The following AANAT variants were observed in gnomAD, a reference collection of about 807,000 sequenced individuals.
AANAT encodes the protein serotonin N-acetyltransferase.
In AANAT, 11 loss-of-function variants were observed where a neutral mutation model predicts 15.6. The ratio of observed to expected loss-of-function variants is 0.71; its 90% CI spans 0.44 to 1.17. AANAT has a LOEUF of 1.17. Ranked by LOEUF, AANAT falls within the 50% of genes most tolerant of loss-of-function variation. The pLI, the probability that AANAT is intolerant of heterozygous loss-of-function variation, is 0.00. For missense variants in AANAT, 286 were observed against 296.3 expected, an observed-to-expected ratio of 0.97 and a Z score of 0.26; for synonymous variants, 139 against 131.5, an observed-to-expected ratio of 1.06 and a Z score of -0.39.
In AANAT at chr17:76,469,126, G is replaced by A. The variant is rs1160870195; in HGVS notation, c.164-47G>A. 7 of 1,609,232 alleles carry A rather than the reference G, an allele frequency of 4.3e-6. No homozygotes were observed. The highest frequency in any genetic ancestry group is 1.7e-4 in the Middle Eastern group (1 of 6,040). On this transcript the variant is annotated intron_variant, in intron 2 of 3. Coordinates refer to ENST00000392492, the MANE Select transcript of AANAT (RefSeq NM_001088.3). This position sits in a 1 kb window ranked among gnomAD's most constrained non-coding sequence, Gnocchi z 5.2. ...ACTCGGGGTGCAGCAGACAGTGGAC[G>A]CGAGGCACAGCGACTACCAGTCACC...
chr17:76,460,129 A>AT (rs1567863927), intron 2 of AANAT, among the ~76,000 whole-genome samples: 3 of 82,886 alleles, frequency 3.6e-5, no homozygotes, highest in Admixed American at 1.2e-4. Context: ...TACTTCAGGA[A>AT]ATTTTTTTTT....
rs771212777 is a variant in AANAT, at chr17:76,469,810, G to C, written c.464G>C (p.Arg155Pro). The C allele has an allele frequency of 6.2e-7, 1 of 1,603,522 alleles. No homozygotes were observed. The highest frequency in any genetic ancestry group is 1.1e-5 in the South Asian group (1 of 89,432). The change falls in exon 4 of 4, where the codon CGG becomes CCG. Residue 155 changes from arginine to proline, a missense_variant. Coordinates refer to ENST00000392492, the MANE Select transcript of AANAT (RefSeq NM_001088.3). This position sits in a 1 kb window ranked among gnomAD's most constrained non-coding sequence, Gnocchi z 5.2. ...CTGGGCAGCCAGCCGGCCGTGCGCCGGGCCGCGCTCATGTGCGAGGACGCG... is the reference window on the plus strand; with the variant it reads ...CTGGGCAGCCAGCCGGCCGTGCGCCCGGCCGCGCTCATGTGCGAGGACGCG... Reference protein sequence around the residue: ...HHLGSQPAVRRAALMCEDALV... With the variant: ...HHLGSQPAVRPAALMCEDALV...
Position 76,469,633 on chromosome 17 carries a change from G to T in AANAT, c.319-32G>T. On this transcript the variant is annotated intron_variant, in intron 3 of 3. Transcript: ENST00000392492. The surrounding 1 kb of genome is among the most constrained non-coding windows in gnomAD (Gnocchi z 5.2). ...GGGGGGAGCACGTGTCAGCAGAAGTGACCTGGGATCTCATCCCTTGCTCGC... is the reference window on the plus strand; with the variant it reads ...GGGGGGAGCACGTGTCAGCAGAAGTTACCTGGGATCTCATCCCTTGCTCGC... The T allele has an allele frequency of 1.4e-6, 2 of 1,439,182 alleles. No individual in the cohort carries two copies. Among genetic ancestry groups the T allele is most frequent in the Non-Finnish European group, 1.8e-6 (2 of 1,097,932 alleles). The allele number at this position is 1,439,182 out of a possible 1,614,324, so 89.2% of individuals were successfully genotyped here.
chr17:76,456,849 C>A (rs1343547194), intron 1 of AANAT, among the ~76,000 whole-genome samples: 1 of 152,116 alleles, frequency 6.6e-6, no homozygotes, highest in African/African-American at 2.4e-5. Flanking sequence ...CCTCATTTTA[C>A]CAATGAAGAA....
At chr17:76,459,461 CTGGCCACCTGAGGG>C in intron 2 of AANAT, 1 of 152,394 alleles carries the variant, frequency 6.6e-6, no homozygotes, top group Middle Eastern at 3.4e-3. Context: ...GGGTACTGAG[CTGGCCACCTGAGGG>C]TCAGCCCTCA....
intron 1 of AANAT, among the ~76,000 whole-genome samples, chr17:76,456,255 C>G (rs779734347): frequency 2.6e-5 from 4 of 151,088 alleles, no homozygotes; most frequent in African/African-American, 9.7e-5. Flanking sequence ...CACTTGAACC[C>G]GGGAGGTGGA....
upstream of AANAT, among the ~76,000 whole-genome samples, chr17:76,464,594 G>A (rs1451816268): frequency 6.6e-6 from 1 of 152,130 alleles, no homozygotes; most frequent in African/African-American, 2.4e-5. Flanking sequence ...TGGGTGAGTT[G>A]TGGATACAGG....
Position 76,469,843 on chromosome 17 carries a change from C to T in AANAT, c.497C>T (p.Pro166Leu), listed in dbSNP as rs756857880. The T allele has an allele frequency of 1.9e-6, 3 of 1,604,544 alleles. No individual in the cohort carries two copies. Among genetic ancestry groups the T allele is most frequent in the East Asian group, 2.2e-5 (1 of 44,482 alleles). Residue 166 changes from proline (P) to leucine (L), a missense_variant, in exon 4 of 4, where the codon CCC becomes CTC. Coordinates refer to ENST00000392492, the MANE Select transcript of AANAT (RefSeq NM_001088.3). The surrounding 1 kb of genome is among the most constrained non-coding windows in gnomAD (Gnocchi z 5.2). ...AALMCEDALV[P>L]FYERFSFHAV... ...CTCATGTGCGAGGACGCGCTGGTAC[C>T]CTTCTATGAGAGGTTCAGCTTCCAC...
chr17:76,458,640 G>A (rs1187426785), intron 1 of AANAT, among the ~76,000 whole-genome samples: 1 of 152,116 alleles, frequency 6.6e-6, no homozygotes, highest in Non-Finnish European at 1.5e-5. Context: ...CAGCAGCAGA[G>A]TGAACTGGTC....
At chr17:76,465,918 C>T (rs995801228), upstream of AANAT, 8 of 473,620 alleles carry the variant, frequency 1.7e-5, no homozygotes, top group Non-Finnish European at 3.1e-5. Flanking sequence ...AGTGCAGTGG[C>T]GAGTCACTAC....
chr17:76,462,170 GCT>G (rs1208991825), intron 2 of AANAT: 3 of 152,230 alleles, frequency 2.0e-5, no homozygotes, highest in African/African-American at 7.2e-5. Context: ...GAGGAAGGAG[GCT>G]CTGTCCTGAA....
chr17:76,463,933 G>C (rs2073413481), upstream of AANAT, among the ~76,000 whole-genome samples: 2 of 152,172 alleles, frequency 1.3e-5, no homozygotes, highest in Non-Finnish European at 2.9e-5. Context: ...TGGGATGGGG[G>C]CTCTGATGGG....
intron 1 of AANAT, among the ~76,000 whole-genome samples, chr17:76,455,538 G>C (rs932322637): frequency 6.6e-6 from 1 of 152,238 alleles, no homozygotes; most frequent in Non-Finnish European, 1.5e-5. Flanking sequence ...TAAATGGATT[G>C]TTAAGGAAAA....
intron 2 of AANAT, among the ~76,000 whole-genome samples, chr17:76,460,498 C>G (rs2073378610): frequency 6.6e-6 from 1 of 151,966 alleles, no homozygotes; most frequent in South Asian, 2.1e-4. Flanking sequence ...GAAGGTCTCA[C>G]TATATTGGCC....
chr17:76,469,728 C>G lies in AANAT; in HGVS notation c.382C>G (p.Arg128Gly). 6.4e-7 allele frequency: 1 copy of G among 1,553,080 alleles called. No homozygotes were observed. The change falls in exon 4 of 4, where the codon CGC becomes GGC. Residue 128 changes from arginine to glycine, a missense_variant. Transcript: ENST00000392492. This position sits in a 1 kb window ranked among gnomAD's most constrained non-coding sequence, Gnocchi z 5.2. ...CCACCTGCATGTGCTGGCCGTGCAC[C>G]GCGCCTTCCGGCAGCAGGGCAGGGG... ...IAHLHVLAVH[R>G]AFRQQGRGPI...
At chr17:76,462,743 T>C (rs1436839137), upstream of AANAT, among the ~76,000 whole-genome samples, 1 of 152,148 alleles carries the variant, frequency 6.6e-6, no homozygotes, top group African/African-American at 2.4e-5. Context: ...GCCAGGTCTG[T>C]GGGGCAGACC....
At chr17:76,455,462 A>G (rs976318685) in intron 1 of AANAT, among the ~76,000 whole-genome samples, 1 of 152,106 alleles carries the variant, frequency 6.6e-6, no homozygotes, top group Admixed American at 6.5e-5. Context: ...AAAGAAAAAA[A>G]CTAACTCTAA....
At chr17:76,457,434 C>T (rs910304580) in intron 1 of AANAT, among the ~76,000 whole-genome samples, 9 of 152,138 alleles carry the variant, frequency 5.9e-5, no homozygotes, top group African/African-American at 1.9e-4. Flanking sequence ...AAAACTAATG[C>T]CCTTTCCTCC....
chr17:76,465,993 C>A, upstream of AANAT: 1 of 614,166 alleles, frequency 1.6e-6, no homozygotes, highest in South Asian at 1.7e-5. Flanking sequence ...GGGATTACAG[C>A]GGTGAGCCAC....
Sources: allele counts gnomAD v4.1 joint callset (sites outside exome capture counted in the v4.1 genomes callset), GRCh38; gene constraint gnomAD v4.1.1; non-coding constraint Gnocchi (gnomAD v3.1); transcripts MANE v1.5; gene names NCBI Gene and HGNC (gene_info 2026-07-23, HGNC 2026-07-21).